The following FSTL4 variants were observed in gnomAD, a reference collection of about 807,000 sequenced individuals.
FSTL4 encodes the protein follistatin like 4.
FSTL4 carries 28 observed loss-of-function variants against 78.2 expected under a neutral mutation model. The ratio of observed to expected loss-of-function variants is 0.36; its 90% CI spans 0.27 to 0.49. The LOEUF (loss-of-function observed/expected upper bound fraction) is 0.49, where lower values mean the gene tolerates loss of function less well. Among genes scored for constraint, FSTL4 ranks in the 20% least tolerant of loss-of-function variants. FSTL4 has a pLI of 0.98. For synonymous variants in FSTL4, 422 were observed against 440.5 expected, an observed-to-expected ratio of 0.96 and a Z score of 0.53; for missense variants, 922 against 1,084.9, an observed-to-expected ratio of 0.85 and a Z score of 2.11.
chr5:133,715,796 G>A, the FSTL4 span, among the ~76,000 whole-genome samples: 1 of 152,192 alleles, frequency 6.6e-6, no homozygotes, highest in Non-Finnish European at 1.5e-5. Flanking sequence ...ACACTGCGAA[G>A]AATAGGAAGG....
rs530402098 is a variant in FSTL4 at position 133,362,101 on chromosome 5, G to A, written c.409+38637C>T. 2.7e-4 allele frequency among the ~76,000 whole-genome samples: 41 copies of A among 152,162 alleles called. 1 individual carries two copies. Among genetic ancestry groups the A allele is most frequent in the Admixed American group, 2.6e-4 (4 of 15,298 alleles). ...ATCAACAGTTGTTCATCATTATCTC[G>A]TTGCCAATGGCAACACAGTGTTGTG... On this transcript the variant is annotated intron_variant, in intron 4 of 15. Transcript: ENST00000265342.
At chr5:133,792,573 C>T in the FSTL4 span, among the ~76,000 whole-genome samples, 1 of 152,308 alleles carries the variant, frequency 6.6e-6, no homozygotes, top group East Asian at 1.9e-4. Flanking sequence ...ATCCTTGTTT[C>T]CGTCACTCTG....
intron 7 of FSTL4, among the ~76,000 whole-genome samples, chr5:133,239,105 G>A (rs942760016): frequency 3.3e-5 from 5 of 152,176 alleles, no homozygotes; most frequent in Admixed American, 6.5e-5. Context: ...GGCAAGCCCC[G>A]GGCAGTGAGG....
intron 3 of FSTL4, among the ~76,000 whole-genome samples, chr5:133,415,759 T>C (rs1756569595): frequency 6.6e-6 from 1 of 152,146 alleles, no homozygotes; most frequent in African/African-American, 2.4e-5. Context: ...CAGGAGGTTA[T>C]CTTATATGCA....
chr5:133,388,702 T>A (rs1437960989), intron 4 of FSTL4, among the ~76,000 whole-genome samples: 1 of 152,162 alleles, frequency 6.6e-6, no homozygotes, highest in Non-Finnish European at 1.5e-5. Context: ...TGATAGATCT[T>A]TCAGTATAGG....
intron 4 of FSTL4, among the ~76,000 whole-genome samples, chr5:133,357,110 C>T (rs1401001929): frequency 1.3e-5 from 2 of 152,204 alleles, no homozygotes; most frequent in Non-Finnish European, 2.9e-5. Context: ...ACCAATATAG[C>T]CTGCTGGTCA....
rs3087070 is a variant in FSTL4, at chr5:133,205,386, C to CGTGT, written c.1717-3348_1717-3345dup. ...CCTGGATTCTATGTCTTTTTCTTTG[C>CGTGT]GTGTGTGTGTGTGTGTGTGTGTAGT... On this transcript the variant is annotated intron_variant, in intron 14 of 15. Transcript: ENST00000265342. 1.6e-3 allele frequency among the ~76,000 whole-genome samples: 241 copies of CGTGT among 150,836 alleles called. 1 individual carries two copies. The highest frequency in any genetic ancestry group is 3.6e-3 in the South Asian group (17 of 4,756).
chr5:133,566,267 G>A (rs1036890280), intron 3 of FSTL4, among the ~76,000 whole-genome samples: 18 of 152,144 alleles, frequency 1.2e-4, no homozygotes, highest in African/African-American at 3.9e-4. Flanking sequence ...ATGTATCAAA[G>A]CATGTTGATA....
the FSTL4 span, among the ~76,000 whole-genome samples, chr5:133,666,823 GA>G: frequency 1.2e-4 from 19 of 152,268 alleles, no homozygotes; most frequent in Non-Finnish European, 2.5e-4. Context: ...TTCCCATGTT[GA>G]AAAAGGTTTC....
intron 3 of FSTL4, among the ~76,000 whole-genome samples, chr5:133,467,710 G>A (rs1022838198): frequency 2.0e-5 from 3 of 152,080 alleles, no homozygotes; most frequent in Non-Finnish European, 4.4e-5. Flanking sequence ...CAGGAGTAGA[G>A]GCTTGCACCC....
At chr5:133,781,444 TC>T in the FSTL4 span, among the ~76,000 whole-genome samples, 203 of 151,336 alleles carry the variant, frequency 1.3e-3, 1 homozygote, top group African/African-American at 4.1e-3. Context: ...GCATGTGTTG[TC>T]TTAGAAGGGG....
the FSTL4 span, among the ~76,000 whole-genome samples, chr5:133,785,803 G>A: frequency 6.6e-6 from 1 of 152,246 alleles, no homozygotes; most frequent in East Asian, 1.9e-4. Flanking sequence ...GAAGCTCAGG[G>A]GAGAAAGGCA....
the FSTL4 span, among the ~76,000 whole-genome samples, chr5:133,831,212 A>G: frequency 6.6e-6 from 1 of 152,184 alleles, no homozygotes; most frequent in Non-Finnish European, 1.5e-5. Flanking sequence ...GCTGGACCCC[A>G]TGGAAGGGTA....
chr5:133,699,431 A>G, the FSTL4 span, among the ~76,000 whole-genome samples: 18 of 152,106 alleles, frequency 1.2e-4, no homozygotes, highest in African/African-American at 4.1e-4. Flanking sequence ...ACACACCGAG[A>G]ACTGTGCTTA....
intron 11 of FSTL4, among the ~76,000 whole-genome samples, chr5:133,221,913 T>TTTTTTAG (rs1554097224): frequency 1.0e-5 from 1 of 97,806 alleles, no homozygotes; most frequent in African/African-American, 4.6e-5. Context: ...TTTTTTTTTT[T>TTTTTTAG]TTTTTTTTTT....
chr5:133,540,720 C>CAAAAAAAAAAA (rs79162509), intron 3 of FSTL4, among the ~76,000 whole-genome samples: 41 of 70,204 alleles, frequency 5.8e-4, no homozygotes, highest in South Asian at 1.2e-3. Flanking sequence ...TTAACATAGG[C>CAAAAAAAAAAA]AAAAAAAAAA....
intron 6 of FSTL4, among the ~76,000 whole-genome samples, chr5:133,269,274 CA>C (rs1168225825): frequency 4.7e-5 from 7 of 149,936 alleles, no homozygotes; most frequent in Non-Finnish European, 1.0e-4. Flanking sequence ...AGTTGCAAAA[CA>C]ATGTGTGGAG....
intron 4 of FSTL4, among the ~76,000 whole-genome samples, chr5:133,354,289 G>A (rs971522072): frequency 2.0e-5 from 3 of 152,210 alleles, no homozygotes; most frequent in Middle Eastern, 3.2e-3. Context: ...ATGAGCCAGC[G>A]CCATTTGGCC....
At chr5:133,821,040 A>G in the FSTL4 span, among the ~76,000 whole-genome samples, 1 of 152,260 alleles carries the variant, frequency 6.6e-6, no homozygotes, top group Non-Finnish European at 1.5e-5. Flanking sequence ...AAAACTTGTT[A>G]TAATGTATCC....
Sources: gnomAD v4.1 joint callset for allele counts (sites outside exome capture counted in the v4.1 genomes callset) on GRCh38, gnomAD v4.1.1 for gene constraint, MANE v1.5 for transcripts, NCBI Gene and HGNC (gene_info 2026-07-23, HGNC 2026-07-21) for gene names.